The following RUVBL1 variants were observed in gnomAD, a reference collection of about 807,000 sequenced individuals.
RUVBL1 encodes the protein RuvB like AAA ATPase 1, also known as ruvB-like 1.
RUVBL1 carries 4 observed loss-of-function variants against 52.4 expected under a neutral mutation model. That is an observed-to-expected ratio of 0.08 (90% CI 0.04 to 0.17). The LOEUF is 0.17. RUVBL1 is among the 10% of genes least tolerant of loss of function. The pLI is 1.00. For missense variants in RUVBL1, 298 were observed against 572.8 expected (o/e 0.52, Z 4.90); for synonymous variants, 217 against 214.4 (o/e 1.01, Z -0.10).
At chr3:128,112,498 C>T (rs1943417987) in intron 3 of RUVBL1, among the ~76,000 whole-genome samples, 1 of 152,330 alleles carries the variant, frequency 6.6e-6, no homozygotes, top group Non-Finnish European at 1.5e-5. Flanking sequence ...TCTGGCTCGC[C>T]ATCCAGGACC....
intron 9 of RUVBL1, chr3:128,084,534 G>A (rs1576441976): frequency 1.3e-5 from 2 of 152,114 alleles, no homozygotes; most frequent in South Asian, 4.1e-4. Context: ...TAAGTGCCTC[G>A]CCTTCAGTGA....
At chr3:128,066,796 A>T in intron 9 of RUVBL1, 1 of 649,860 alleles carries the variant, frequency 1.5e-6, no homozygotes, top group South Asian at 1.9e-5. Context: ...AGTGGTGGGT[A>T]AGGAGTGGGC....
Position 128,081,245 on chromosome 3 carries a change from C to T in RUVBL1, c.*5G>A. On this transcript the variant is annotated 3_prime_UTR_variant, in exon 11 of 11. Transcript: ENST00000322623. The surrounding 1 kb of genome is among the most constrained non-coding windows in gnomAD (Gnocchi z 4.8). Reference sequence around the variant, plus strand: ...AGTCTCTTACTGCTGAAAACCTCAGCCATCTCACTTCATGTACTTATCCTG... The same window carrying T: ...AGTCTCTTACTGCTGAAAACCTCAGTCATCTCACTTCATGTACTTATCCTG... 2 of 1,611,100 alleles carry T rather than the reference C, an allele frequency of 1.2e-6. No homozygotes were observed. The highest frequency in any genetic ancestry group is 2.2e-5 in the South Asian group (2 of 90,912).
chr3:128,096,581 C>T (rs1942975901), intron 8 of RUVBL1, among the ~76,000 whole-genome samples: 3 of 152,088 alleles, frequency 2.0e-5, no homozygotes, highest in African/African-American at 4.8e-5. Context: ...AATCCCAGCA[C>T]TTTGGGAGGC....
intron 8 of RUVBL1, among the ~76,000 whole-genome samples, chr3:128,090,146 C>G (rs1942794766): frequency 6.6e-6 from 1 of 152,058 alleles, no homozygotes; most frequent in Non-Finnish European, 1.5e-5. Context: ...GTTAAAATGG[C>G]AAATTTTATG....
intron 1 of RUVBL1, among the ~76,000 whole-genome samples, chr3:128,130,791 C>T (rs1390627332): frequency 2.6e-5 from 4 of 151,828 alleles, no homozygotes; most frequent in Admixed American, 2.6e-4. Context: ...GCTGGGACTA[C>T]ATGCGCCTGC....
intron 9 of RUVBL1, among the ~76,000 whole-genome samples, chr3:128,086,464 G>A (rs1421978525): frequency 2.6e-5 from 4 of 152,202 alleles, no homozygotes; most frequent in Non-Finnish European, 4.4e-5. Context: ...GCATCGAGAC[G>A]TCACTGCAGC....
downstream of RUVBL1, chr3:128,078,822 A>C (rs558931383): frequency 1.3e-5 from 2 of 152,382 alleles, no homozygotes; most frequent in African/African-American, 4.8e-5. Flanking sequence ...CCGGAAGATT[A>C]ATGTAATAAT....
At chr3:128,108,990 T>C in intron 3 of RUVBL1, among the ~76,000 whole-genome samples, 1 of 152,118 alleles carries the variant, frequency 6.6e-6, no homozygotes, top group Non-Finnish European at 1.5e-5. Flanking sequence ...AGATAAACTT[T>C]AAAAAGGGCA....
intron 9 of RUVBL1, chr3:128,069,799 A>G: frequency 2.5e-6 from 2 of 787,256 alleles, no homozygotes; most frequent in Admixed American, 5.6e-5. Context: ...TCCACTGTGT[A>G]AAGTGCTAGA....
At chr3:128,150,807 C>A (rs1345854815) in intron 1 of RUVBL1, among the ~76,000 whole-genome samples, 3 of 85,074 alleles carry the variant, frequency 3.5e-5, no homozygotes, top group African/African-American at 4.9e-5. Context: ...ATTATATATT[C>A]TATATATTAT....
intron 5 of RUVBL1, 139 bp downstream of exon 5, chr3:128,101,420 A>C (rs1195020222): frequency 5.6e-6 from 4 of 715,306 alleles, no homozygotes; most frequent in Non-Finnish European, 9.6e-6. Context: ...CCACTAGTTG[A>C]CCTTCCATCA....
intron 1 of RUVBL1, among the ~76,000 whole-genome samples, chr3:128,150,833 T>C (rs1376759609): frequency 4.3e-5 from 4 of 92,762 alleles, no homozygotes; most frequent in East Asian, 5.6e-4. Flanking sequence ...CTATATATTA[T>C]ATATTCTATA....
intron 1 of RUVBL1, 133 bp from the exon 2 acceptor site, chr3:128,119,547 G>C: frequency 1.6e-6 from 1 of 644,244 alleles, no homozygotes; most frequent in Non-Finnish European, 2.6e-6. Context: ...TGCAGTCACT[G>C]TTCTAGGTGC....
rs917900364 is a variant in RUVBL1, at chr3:128,140,790, G to T, written c.-40+12413C>A. Reference sequence around the variant, plus strand: ...TTCAGATCAAGTAGGGGAAATAATTGATATTCAATATTCAGTAAAGATGTT... The same window carrying T: ...TTCAGATCAAGTAGGGGAAATAATTTATATTCAATATTCAGTAAAGATGTT... On this transcript the variant is annotated intron_variant, in intron 1 of 9. Transcript: ENST00000464873. Among the ~76,000 whole-genome samples, 5 of 152,162 alleles carry T rather than the reference G, an allele frequency of 3.3e-5. No individual in the cohort carries two copies. In the East Asian group the frequency reaches 7.7e-4, roughly 23 times the overall value.
At chr3:128,126,852 G>A (rs574952831), upstream of RUVBL1, among the ~76,000 whole-genome samples, 5 of 152,288 alleles carry the variant, frequency 3.3e-5, no homozygotes, top group East Asian at 3.9e-4. Context: ...CACCACTCTC[G>A]TTTTCCTTCA....
At chr3:128,151,798 A>T (rs1278276990) in intron 1 of RUVBL1, among the ~76,000 whole-genome samples, 1 of 152,176 alleles carries the variant, frequency 6.6e-6, no homozygotes, top group African/African-American at 2.4e-5. Context: ...CTCTGTTCCT[A>T]GTGGAGAGTG....
intron 8 of RUVBL1, 28 bp downstream of exon 8, chr3:128,097,272 C>G: frequency 6.2e-7 from 1 of 1,605,242 alleles, no homozygotes; most frequent in South Asian, 1.1e-5. Flanking sequence ...GTTAAAAAAG[C>G]CTTGTGGCTG....
At chr3:128,097,170 T>C (rs1943000497) in intron 8 of RUVBL1, 130 bp downstream of exon 8, 4 of 901,962 alleles carry the variant, frequency 4.4e-6, no homozygotes, top group Admixed American at 2.3e-5. Context: ...ACTTGGCACA[T>C]TTTCCCTCAA....
Sources: allele counts gnomAD v4.1 joint callset (sites outside exome capture counted in the v4.1 genomes callset), GRCh38; gene constraint gnomAD v4.1.1; non-coding constraint Gnocchi (gnomAD v3.1); transcripts MANE v1.5; gene names NCBI Gene and HGNC (gene_info 2026-07-23, HGNC 2026-07-21).